The following MYO5B variants were observed in gnomAD, a reference collection of about 807,000 sequenced individuals.
MYO5B encodes unconventional myosin-Vb.
A neutral mutation model predicts 229.3 loss-of-function variants in MYO5B; 143 were observed. The observed-to-expected ratio is 0.62, with a 90% CI of 0.54 to 0.72. The LOEUF is 0.72. MYO5B is among the 30% of genes least tolerant of loss of function. MYO5B has a pLI of 0.00. For synonymous variants in MYO5B, 918 were observed against 885.2 expected, an observed-to-expected ratio of 1.04 and a Z score of -0.66; for missense variants, 2,321 against 2,331.0, an observed-to-expected ratio of 1.00 and a Z score of 0.09.
chr18:50,079,082 T>G (rs1221974047), intron 1 of MYO5B, among the ~76,000 whole-genome samples: 2 of 152,250 alleles, frequency 1.3e-5, no homozygotes, highest in Non-Finnish European at 2.9e-5. Flanking sequence ...GCATAGTGAC[T>G]GCAAGGGCAC....
intron 22 of MYO5B, among the ~76,000 whole-genome samples, chr18:49,889,729 A>C (rs1332024659): frequency 6.6e-6 from 1 of 152,232 alleles, no homozygotes; most frequent in African/African-American, 2.4e-5. Context: ...TCTGACCAGC[A>C]CAGAGCGCAT....
intron 30 of MYO5B, among the ~76,000 whole-genome samples, chr18:49,854,709 C>T (rs973139064): frequency 6.6e-6 from 1 of 152,216 alleles, no homozygotes; most frequent in Non-Finnish European, 1.5e-5. Flanking sequence ...GGTTGTGCCT[C>T]TAACACAGCT....
chr18:50,031,174 A>G (rs2026384727), intron 4 of MYO5B, among the ~76,000 whole-genome samples: 1 of 152,076 alleles, frequency 6.6e-6, no homozygotes, highest in Non-Finnish European at 1.5e-5. Flanking sequence ...TTGGGTCTAA[A>G]TTCCATTGCT....
At position 49,825,245 on chromosome 18, in the gene MYO5B, T is replaced by A. The variant is rs1207859977; in HGVS notation, c.*1226A>T. The A allele has an allele frequency of 1.3e-5, 2 of 152,068 alleles. No homozygotes were observed. Among genetic ancestry groups the A allele is most frequent in the Non-Finnish European group, 2.9e-5 (2 of 67,988 alleles). The allele number at this position is 152,068 out of a possible 1,614,324, so 9.4% of individuals were successfully genotyped here. ...GCTTTTGAAGAAACCAAAAACAAGTTAAAAAAAATTCTAAGAGCAGCAAAC... is the reference window on the plus strand; with the variant it reads ...GCTTTTGAAGAAACCAAAAACAAGTAAAAAAAAATTCTAAGAGCAGCAAAC... On this transcript the variant is annotated 3_prime_UTR_variant, in exon 40 of 40. Coordinates refer to ENST00000285039, the MANE Select transcript of MYO5B (RefSeq NM_001080467.3).
intron 5 of MYO5B, 90 bp downstream of exon 5, chr18:50,001,165 A>C: frequency 6.5e-7 from 1 of 1,543,022 alleles, no homozygotes; most frequent in Non-Finnish European, 9.0e-7. Flanking sequence ...GAGAGGCGTG[A>C]AGGCTGCCAC....
At chr18:50,067,608 T>C (rs766899156) in intron 1 of MYO5B, among the ~76,000 whole-genome samples, 10 of 152,118 alleles carry the variant, frequency 6.6e-5, no homozygotes, top group Non-Finnish European at 1.3e-4. Flanking sequence ...AGGCAGTGAG[T>C]TCTCACTCTT....
chr18:49,883,108 C>A (rs1012573843), intron 22 of MYO5B, among the ~76,000 whole-genome samples: 5 of 152,174 alleles, frequency 3.3e-5, no homozygotes, highest in African/African-American at 1.2e-4. Flanking sequence ...AATGCGTTTC[C>A]CCTAAGATCA....
chr18:49,903,997 C>A (rs1332883241), intron 20 of MYO5B, among the ~76,000 whole-genome samples: 1 of 152,238 alleles, frequency 6.6e-6, no homozygotes, highest in Non-Finnish European at 1.5e-5. Flanking sequence ...TGTGAATGAG[C>A]CCTAGGTGGG....
chr18:50,077,329 G>A (rs1289569680), intron 1 of MYO5B, among the ~76,000 whole-genome samples: 1 of 151,794 alleles, frequency 6.6e-6, no homozygotes, highest in Non-Finnish European at 1.5e-5. Flanking sequence ...AGGGTTACAG[G>A]AACCAGAGAC....
At chr18:50,048,098 A>C (rs1208661469) in intron 2 of MYO5B, among the ~76,000 whole-genome samples, 1 of 148,152 alleles carries the variant, frequency 6.7e-6, no homozygotes, top group East Asian at 2.0e-4. Flanking sequence ...TAATAATAAT[A>C]ATAATAAAGT....
At chr18:50,029,846 C>T (rs905958659) in intron 4 of MYO5B, among the ~76,000 whole-genome samples, 3 of 152,158 alleles carry the variant, frequency 2.0e-5, no homozygotes. Flanking sequence ...CTTGCATACT[C>T]CTGCATAGCA....
chr18:50,059,377 C>T (rs536168971), intron 1 of MYO5B, among the ~76,000 whole-genome samples: 1 of 152,220 alleles, frequency 6.6e-6, no homozygotes, highest in East Asian at 1.9e-4. Context: ...GTGATGTGAC[C>T]AACTCCTAAG....
chr18:49,853,233 C>T (rs1253715254), intron 31 of MYO5B, among the ~76,000 whole-genome samples: 1 of 152,168 alleles, frequency 6.6e-6, no homozygotes, highest in Non-Finnish European at 1.5e-5. Flanking sequence ...GGTGACGCCC[C>T]CCAGCCAACG....
At chr18:49,876,015 G>C (rs1370343433) in intron 25 of MYO5B, among the ~76,000 whole-genome samples, 188 bp from the exon 26 acceptor site, 1 of 152,162 alleles carries the variant, frequency 6.6e-6, no homozygotes, top group Non-Finnish European at 1.5e-5. Context: ...TGGTGCTCCA[G>C]GCTCATTTTC....
At chr18:50,185,482 C>G (rs935419721) in intron 1 of MYO5B, among the ~76,000 whole-genome samples, 4 of 152,062 alleles carry the variant, frequency 2.6e-5, no homozygotes, top group Admixed American at 1.3e-4. Flanking sequence ...TTCACAGTAT[C>G]AAAAGATTAA....
At chr18:49,936,889 T>C (rs1248739081) in intron 15 of MYO5B, among the ~76,000 whole-genome samples, 1 of 151,936 alleles carries the variant, frequency 6.6e-6, no homozygotes, top group Non-Finnish European at 1.5e-5. Context: ...GCAGGAGAAG[T>C]TGCTTTTAGT....
chr18:49,977,579 C>A (rs1372250117), intron 9 of MYO5B, among the ~76,000 whole-genome samples: 5 of 152,082 alleles, frequency 3.3e-5, no homozygotes, highest in African/African-American at 1.2e-4. Flanking sequence ...ACCAGGCAAG[C>A]AGAGGGCAGT....
In MYO5B at chr18:49,829,066, G is replaced by GACAATTTTT. The variant is rs1362829664; in HGVS notation, c.5395-2444_5395-2443insAAAAATTGT. On this transcript the variant is annotated intron_variant, in intron 39 of 39. Coordinates refer to ENST00000285039, the MANE Select transcript of MYO5B (RefSeq NM_001080467.3). ...ACCCAAAACAAATGAAATCAAAGTT[G>GACAATTTTT]GTTCAAAAAATTGACAATTTTTTTT... Among the ~76,000 whole-genome samples, 5 of 145,060 alleles carry GACAATTTTT rather than the reference G, an allele frequency of 3.4e-5. No individual in the cohort carries two copies. The Admixed American group carries it at 3.6e-4, about 10-fold the overall frequency.
chr18:49,977,777 A>G (rs2025768066), intron 9 of MYO5B, among the ~76,000 whole-genome samples: 1 of 152,196 alleles, frequency 6.6e-6, no homozygotes, highest in African/African-American at 2.4e-5. Context: ...AGGTCCACTC[A>G]GGCTATAACA....
Sources: gnomAD v4.1 joint callset for allele counts (sites outside exome capture counted in the v4.1 genomes callset) on GRCh38, gnomAD v4.1.1 for gene constraint, MANE v1.5 for transcripts, NCBI Gene and HGNC (gene_info 2026-07-23, HGNC 2026-07-21) for gene names.